Variants in MAMDC2 observed in about 807,000 individuals in gnomAD.
MAMDC2 encodes MAM domain-containing protein 2.
A neutral mutation model predicts 89.8 loss-of-function variants in MAMDC2; 57 were observed. The observed-to-expected ratio is 0.63, with a 90% CI of 0.51 to 0.79. The LOEUF (loss-of-function observed/expected upper bound fraction) is 0.79, where lower values mean the gene tolerates loss of function less well. Among genes scored for constraint, MAMDC2 ranks in the 30% least tolerant of loss-of-function variants. MAMDC2 has a pLI of 0.00. For missense variants in MAMDC2, 800 were observed against 820.6 expected (o/e 0.97, Z 0.31); for synonymous variants, 313 against 293.4 (o/e 1.07, Z -0.68).
intron 7 of MAMDC2, among the ~76,000 whole-genome samples, chr9:70,135,267 C>T (rs905219406): frequency 1.3e-5 from 2 of 152,112 alleles, no homozygotes; most frequent in Non-Finnish European, 2.9e-5. Context: ...CCTCCCTATG[C>T]TTCAAATACA....
intron 2 of MAMDC2, among the ~76,000 whole-genome samples, chr9:70,088,009 TG>T (rs149459108): frequency 5.5e-3 from 843 of 152,234 alleles, no homozygotes; most frequent in South Asian, 0.014. Context: ...TTGGAGGCAA[TG>T]GGTAGAAACA....
Position 70,159,468 on chromosome 9 carries a change from A to G in MAMDC2, c.1405-9234A>G, listed in dbSNP as rs113894315. Among the ~76,000 whole-genome samples the G allele has an allele frequency of 1.5e-4, 23 of 152,330 alleles. No homozygotes were observed. In the Middle Eastern group the frequency reaches 0.01, roughly 68 times the overall value. On this transcript the variant is annotated intron_variant, in intron 9 of 13. Transcript: ENST00000377182. ...GATCTACACTTTGGCTTGGGAATCA[A>G]TGAAAATCAGGCTAATTGCCTCTAT... is the stretch of plus-strand genomic sequence containing the variant.
intron 3 of MAMDC2, among the ~76,000 whole-genome samples, chr9:70,109,053 A>T (rs1246546580): frequency 6.6e-6 from 1 of 152,204 alleles, no homozygotes; most frequent in Admixed American, 6.5e-5. Context: ...TGGGATCCAG[A>T]CACACCTGGC....
intron 2 of MAMDC2, among the ~76,000 whole-genome samples, chr9:70,058,153 G>A (rs1226269619): frequency 5.3e-5 from 8 of 152,142 alleles, no homozygotes; most frequent in Non-Finnish European, 4.4e-5. Flanking sequence ...AACAATTATT[G>A]AGCAATTATC....
chr9:70,147,443 C>G (rs555249488), intron 9 of MAMDC2, among the ~76,000 whole-genome samples: 5 of 149,900 alleles, frequency 3.3e-5, no homozygotes, highest in Non-Finnish European at 7.4e-5. Flanking sequence ...GGAACTTATA[C>G]TATTCCTTCT....
chr9:70,107,067 GACGA>G, intron 2 of MAMDC2, among the ~76,000 whole-genome samples: 1 of 152,230 alleles, frequency 6.6e-6, no homozygotes, highest in South Asian at 2.1e-4. Context: ...GAAGCCACAG[GACGA>G]AAGACAGCAG....
chr9:70,060,164 T>G (rs550374056), intron 2 of MAMDC2, among the ~76,000 whole-genome samples: 108 of 152,336 alleles, frequency 7.1e-4, no homozygotes, highest in African/African-American at 2.5e-3. Context: ...GTGTTTATTG[T>G]CTATCAACCC....
rs2030540978 is a variant in MAMDC2, at chr9:70,126,265, T to A, written c.750T>A (p.Tyr250Ter). 6.2e-7 allele frequency: 1 copy of A among 1,614,090 alleles called. No homozygotes were observed. The highest frequency in any genetic ancestry group is 8.5e-7 in the Non-Finnish European group (1 of 1,180,032). Residue 250 changes from tyrosine (Y) to a stop codon, truncating the protein, a stop_gained, in exon 6 of 14, where the codon TAT becomes TAA. Transcript: ENST00000377182. LOFTEE classifies it high-confidence loss of function. ...CCATGGCTGGCTGCCTGTCATTTTA[T>A]TACCAGATCCAGCAGGGGAATGACA... The part of the protein sequence containing the change: ...TAPMAGCLSF[Y>*]YQIQQGNDNV...
intron 5 of MAMDC2, among the ~76,000 whole-genome samples, chr9:70,114,653 C>G (rs1009989801): frequency 2.6e-5 from 4 of 152,092 alleles, no homozygotes; most frequent in Non-Finnish European, 4.4e-5. Context: ...TTAAATCTAG[C>G]ATTTTCATTA....
At chr9:70,114,626 T>G (rs1022238253) in intron 5 of MAMDC2, among the ~76,000 whole-genome samples, 3 of 152,148 alleles carry the variant, frequency 2.0e-5, no homozygotes, top group Non-Finnish European at 2.9e-5. Context: ...AGTTGCCTGT[T>G]TAAAACAAAC....
intron 8 of MAMDC2, among the ~76,000 whole-genome samples, chr9:70,141,977 T>G (rs1046819825): frequency 2.0e-5 from 3 of 152,140 alleles, no homozygotes; most frequent in African/African-American, 7.2e-5. Flanking sequence ...TTAAGTATAA[T>G]AGAAAAGGGG....
chr9:70,047,664 T>C (rs1353241269), intron 2 of MAMDC2, among the ~76,000 whole-genome samples: 2 of 152,342 alleles, frequency 1.3e-5, no homozygotes, highest in East Asian at 3.9e-4. Context: ...AATAAACATA[T>C]GTGCCAGATG....
chr9:70,225,781 T>G lies in MAMDC2; in HGVS notation c.1943T>G (p.Ile648Arg), dbSNP rs750390329. The change falls in exon 13 of 14, where the codon ATA (isoleucine) becomes AGA (arginine). Residue 648 changes from isoleucine to arginine, a missense_variant. Coordinates refer to ENST00000377182, the MANE Select transcript of MAMDC2 (RefSeq NM_153267.5). ...TTTGAAGCCATTCGAGGAGTATCAA[T>G]AAGAAGTGATATTGCCATTGATGAT... ...IIFEAIRGVSIRSDIAIDDVK... is the reference protein window; with the variant it reads ...IIFEAIRGVSRRSDIAIDDVK... 1 of 1,609,546 alleles carries G rather than the reference T, an allele frequency of 6.2e-7. No homozygotes were observed. The highest frequency in any genetic ancestry group is 1.3e-5 in the African/African-American group (1 of 74,928).
chr9:70,082,758 G>A (rs1010854692), intron 2 of MAMDC2: 1 of 152,150 alleles, frequency 6.6e-6, no homozygotes, highest in Admixed American at 6.6e-5. Flanking sequence ...CATAATTACT[G>A]TTGGAGGGCT....
chr9:70,200,819 G>A (rs2033086397), intron 11 of MAMDC2, among the ~76,000 whole-genome samples: 1 of 150,568 alleles, frequency 6.6e-6, no homozygotes, highest in Non-Finnish European at 1.5e-5. Flanking sequence ...AAGCAATTGT[G>A]AATGGGAGTT....
At chr9:70,160,642 G>A (rs1257466931) in intron 9 of MAMDC2, among the ~76,000 whole-genome samples, 1 of 152,094 alleles carries the variant, frequency 6.6e-6, no homozygotes, top group East Asian at 1.9e-4. Flanking sequence ...TTCTTTCTGG[G>A]GGGCCTACAT....
chr9:70,207,497 TTTGTTTTAAG>T (rs2033252596), intron 11 of MAMDC2, among the ~76,000 whole-genome samples: 2 of 132,380 alleles, frequency 1.5e-5, no homozygotes, highest in Non-Finnish European at 1.7e-5. Flanking sequence ...TTCTTGTTAA[TTTGTTTTAAG>T]TTCTTTGTAG....
chr9:70,204,153 T>G (rs1244787419), intron 11 of MAMDC2, among the ~76,000 whole-genome samples: 1 of 150,968 alleles, frequency 6.6e-6, no homozygotes, highest in East Asian at 2.0e-4. Context: ...AGTTTCCAGT[T>G]TTTCTGTTCT....
chr9:70,062,243 T>C (rs748089989), intron 2 of MAMDC2, among the ~76,000 whole-genome samples: 3 of 150,936 alleles, frequency 2.0e-5, no homozygotes, highest in Non-Finnish European at 4.4e-5. Context: ...TACACTGATA[T>C]ATACATATGA....
Sources: gnomAD v4.1 joint callset for allele counts (sites outside exome capture counted in the v4.1 genomes callset) on GRCh38, gnomAD v4.1.1 for gene constraint, MANE v1.5 for transcripts, NCBI Gene and HGNC (gene_info 2026-07-23, HGNC 2026-07-21) for gene names.